The following MS4A7 variants were observed in gnomAD, a reference collection of about 807,000 sequenced individuals.
MS4A7 encodes membrane spanning 4-domains A7.
In MS4A7, 21 loss-of-function variants were observed where a neutral mutation model predicts 23.5. The ratio of observed to expected loss-of-function variants is 0.89; its 90% CI spans 0.63 to 1.29. The LOEUF (loss-of-function observed/expected upper bound fraction) is 1.29, where lower values mean the gene tolerates loss of function less well. Among genes scored for constraint, MS4A7 ranks in the 50% most tolerant of loss-of-function variants. MS4A7 has a pLI of 0.00. For missense variants in MS4A7, 263 were observed against 274.2 expected (o/e 0.96, Z 0.29); for synonymous variants, 111 against 107.4 (o/e 1.03, Z -0.21).
At chr11:60,385,286 T>C (rs2085474111) in intron 3 of MS4A7, 64 bp downstream of exon 3, 1 of 1,590,532 alleles carries the variant, frequency 6.3e-7, no homozygotes, top group African/African-American at 1.3e-5. Context: ...TGCATAGTCG[T>C]GGAGTGACTC....
chr11:60,383,013 C>T (rs1308662593), intron 1 of MS4A7, 116 bp from the exon 2 acceptor site: 3 of 1,149,438 alleles, frequency 2.6e-6, no homozygotes, highest in East Asian at 4.8e-5. Flanking sequence ...TGAAGGACAA[C>T]CAGCCTTGGA....
At chr11:60,388,304 A>G (rs1032480975) in intron 4 of MS4A7, among the ~76,000 whole-genome samples, 1 of 152,180 alleles carries the variant, frequency 6.6e-6, no homozygotes, top group African/African-American at 2.4e-5. Flanking sequence ...ACATTTTATA[A>G]AAGAGATAAC....
chr11:60,386,843 TA>T, intron 4 of MS4A7, 70 bp downstream of exon 4: 1 of 1,266,698 alleles, frequency 7.9e-7, no homozygotes, highest in Non-Finnish European at 1.1e-6. Context: ...TCTTCTAGTT[TA>T]AAAATCCCTA....
In MS4A7 at chr11:60,383,153, A is replaced by G. The variant is rs1196904939; in HGVS notation, c.12A>G (p.Gln4=). 6.2e-7 allele frequency: 1 copy of G among 1,613,750 alleles called. No homozygotes were observed. The highest frequency in any genetic ancestry group is 8.5e-7 in the Non-Finnish European group (1 of 1,179,874). The change falls in exon 2 of 7, where the codon CAA becomes CAG. Residue 4 remains glutamine (Q), a synonymous_variant. Transcript: ENST00000300184. ...GCATCATCAGCATCATGCTATTACA[A>G]TCCCAAACCATGGGGGTTTCTCACA... is the stretch of plus-strand genomic sequence containing the variant. MLL[Q]SQTMGVSHSF... is the part of the protein sequence containing the mutation.
chr11:60,385,081 C>A lies in MS4A7; in HGVS notation c.148-7C>A. The A allele has an allele frequency of 5.6e-6, 9 of 1,613,522 alleles. No homozygotes were observed. Among genetic ancestry groups the A allele is most frequent in the Non-Finnish European group, 6.8e-6 (8 of 1,179,506 alleles). ...GCAGTCTAGATTTCCTGTCTTCTCTCTTGTAGACTGTCCAGATCCTGTGTT... is the reference window on the plus strand; with the variant it reads ...GCAGTCTAGATTTCCTGTCTTCTCTATTGTAGACTGTCCAGATCCTGTGTT... On this transcript the variant is annotated splice_polypyrimidine_tract_variant and splice_region_variant and intron_variant, in intron 2 of 6. Coordinates refer to ENST00000300184, the MANE Select transcript of MS4A7 (RefSeq NM_021201.5).
chr11:60,394,964 C>A lies in MS4A7; in HGVS notation c.*1103C>A. 1 of 664,926 alleles carries A rather than the reference C, an allele frequency of 1.5e-6. No homozygotes were observed. The highest frequency in any genetic ancestry group is 2.8e-6 in the Non-Finnish European group (1 of 362,338). 41.2% of individuals were successfully genotyped at this position (664,926 alleles called of 1,614,324 possible). On this transcript the variant is annotated 3_prime_UTR_variant, in exon 7 of 7. Coordinates refer to ENST00000300184, the MANE Select transcript of MS4A7 (RefSeq NM_021201.5). The stretch of plus-strand genomic sequence containing the variant: ...ATTTCAGGGTAGGAGTCAATGAAGA[C>A]ATCTTAGTCTTAACAAGTTACAGAT...
chr11:60,393,685 G>A, intron 6 of MS4A7, 102 bp from the exon 7 acceptor site: 2 of 691,394 alleles, frequency 2.9e-6, no homozygotes, highest in South Asian at 4.9e-5. Flanking sequence ...AAAGTTGGAA[G>A]AACTAGTACT....
Position 60,389,424 on chromosome 11 carries a change from C to G in MS4A7, c.374C>G (p.Ser125Cys), listed in dbSNP as rs766843991. ...LSSLTSNAVS[S>C]VTAGAGLFLL... is the part of the protein sequence containing the mutation. The stretch of plus-strand genomic sequence containing the variant: ...AGCTTGACCTCAAATGCAGTGAGTT[C>G]TGTTACTGCAGGAGCAGGCCTCTTC... Residue 125 changes from serine to cysteine, a missense_variant, in exon 5 of 7, where the codon TCT becomes TGT. Coordinates refer to ENST00000300184, the MANE Select transcript of MS4A7 (RefSeq NM_021201.5). 1.9e-6 allele frequency: 3 copies of G among 1,613,596 alleles called. No individual in the cohort carries two copies. The highest frequency in any genetic ancestry group is 2.5e-6 in the Non-Finnish European group (3 of 1,179,704).
At chr11:60,386,099 T>C (rs140428954) in intron 3 of MS4A7, among the ~76,000 whole-genome samples, 218 of 152,318 alleles carry the variant, frequency 1.4e-3, no homozygotes, top group African/African-American at 5.2e-3. Flanking sequence ...GATTATTCAA[T>C]ATCCAAGCCA....
chr11:60,389,727 C>T (rs1250764395), intron 5 of MS4A7, 131 bp downstream of exon 5: 1 of 824,334 alleles, frequency 1.2e-6, no homozygotes, highest in Non-Finnish European at 2.0e-6. Context: ...TAAACAAAAA[C>T]TTGTGGTTGG....
intron 4 of MS4A7, among the ~76,000 whole-genome samples, chr11:60,387,007 C>T (rs1341709189): frequency 1.3e-5 from 2 of 152,156 alleles, no homozygotes; most frequent in Non-Finnish European, 2.9e-5. Context: ...GATTATATTC[C>T]AAGCTTGGAG....
chr11:60,384,378 T>G (rs1298341543), intron 2 of MS4A7, among the ~76,000 whole-genome samples: 1 of 152,230 alleles, frequency 6.6e-6, no homozygotes, highest in Non-Finnish European at 1.5e-5. Flanking sequence ...GCATGGAACT[T>G]GTCTGTACCT....
chr11:60,383,586 A>C, intron 2 of MS4A7: 1 of 156,808 alleles, frequency 6.4e-6, no homozygotes, highest in Non-Finnish European at 1.4e-5. Context: ...GTCACCCAGC[A>C]TGGAGTGCAG....
Position 60,383,188 on chromosome 11 carries a change from C to T in MS4A7, c.47C>T (p.Pro16Leu). ...ATGGGGGTTTCTCACAGCTTTACAC[C>T]AAAGGGCATCACTATCCCTCAAAGA... Reference protein sequence around the residue: ...QTMGVSHSFTPKGITIPQREK... With the variant: ...QTMGVSHSFTLKGITIPQREK... Residue 16 changes from proline (P) to leucine (L), a missense_variant, in exon 2 of 7, where the codon CCA becomes CTA. Physicochemically the swap from Pro to Leu is moderately conservative, Grantham distance 98. Coordinates refer to ENST00000300184, the MANE Select transcript of MS4A7 (RefSeq NM_021201.5). 1 of 1,614,110 alleles carries T rather than the reference C, an allele frequency of 6.2e-7. No individual in the cohort carries two copies. Among genetic ancestry groups the T allele is most frequent in the Non-Finnish European group, 8.5e-7 (1 of 1,179,996 alleles).
chr11:60,385,967 G>A (rs1223716017), intron 3 of MS4A7, among the ~76,000 whole-genome samples: 1 of 152,186 alleles, frequency 6.6e-6, no homozygotes, highest in Admixed American at 6.5e-5. Context: ...AGTCACATAA[G>A]GAGGCCCTGG....
chr11:60,386,565 G>A lies in MS4A7; in HGVS notation c.283-152G>A, dbSNP rs74966252. The stretch of plus-strand genomic sequence containing the variant: ...CATTCTTATATCAGGTGGGAATTAG[G>A]CCTATCTAGCAATATAGATCCACAA... On this transcript the variant is annotated intron_variant, in intron 3 of 6. Coordinates refer to ENST00000300184, the MANE Select transcript of MS4A7 (RefSeq NM_021201.5). The A allele has an allele frequency of 1.0e-4, 62 of 599,812 alleles. No homozygotes were observed. In the East Asian group the frequency reaches 1.7e-3, roughly 16 times the overall value. 37.2% of individuals were successfully genotyped at this position (599,812 alleles called of 1,614,324 possible). A position where few individuals can be genotyped will look rare whatever the true frequency, so the allele number is the denominator to read the frequency against.
In MS4A7 at chr11:60,389,129, A is replaced by G. The variant is rs190037319; in HGVS notation, c.340-261A>G. The stretch of plus-strand genomic sequence containing the variant: ...TGTCTCTATCTTGAGTGCTATAGAG[A>G]GTCAATGGGCCAGAACCCCTCTCCC... On this transcript the variant is annotated intron_variant, in intron 4 of 6. Transcript: ENST00000300184. 1.7e-4 allele frequency: 78 copies of G among 449,428 alleles called. No individual in the cohort carries two copies. The East Asian group carries it at 3.3e-3, about 19-fold the overall frequency. The allele number at this position is 449,428 out of a possible 1,614,324, so 27.8% of individuals were successfully genotyped here.
In MS4A7 at chr11:60,383,031, C is replaced by G; in HGVS notation, c.-13-98C>G. 5.2e-6 allele frequency: 7 copies of G among 1,335,840 alleles called. No homozygotes were observed. The Middle Eastern group carries it at 9.4e-4, about 179-fold the overall frequency. The allele number at this position is 1,335,840 out of a possible 1,614,324, so 82.7% of individuals were successfully genotyped here. ...AGGACAACCAGCCTTGGAATAATGGCAAATACCTTCTTAAGTTCCTACAAA... is the reference window on the plus strand; with the variant it reads ...AGGACAACCAGCCTTGGAATAATGGGAAATACCTTCTTAAGTTCCTACAAA... On this transcript the variant is annotated intron_variant, in intron 1 of 6. Transcript: ENST00000300184.
At chr11:60,386,445 C>T (rs888573859) in intron 3 of MS4A7, 1 of 379,310 alleles carries the variant, frequency 2.6e-6, no homozygotes, top group East Asian at 4.0e-5. Context: ...TTCCCAGGTA[C>T]ACCTTTTCTC....
Sources: allele counts gnomAD v4.1 joint callset (sites outside exome capture counted in the v4.1 genomes callset), GRCh38; gene constraint gnomAD v4.1.1; transcripts MANE v1.5; gene names NCBI Gene and HGNC (gene_info 2026-07-23, HGNC 2026-07-21).